SFT2D2: variants seen among roughly 807,000 people sequenced by gnomAD.
SFT2D2 encodes the protein vesicle transport protein SFT2B.
SFT2D2 carries 21 observed loss-of-function variants against 27.4 expected under a neutral mutation model. The ratio of observed to expected loss-of-function variants is 0.77; its 90% CI spans 0.54 to 1.10. SFT2D2 has a LOEUF of 1.10. Ranked by LOEUF, SFT2D2 falls within the 50% of genes least tolerant of loss-of-function variation. The pLI, the probability that SFT2D2 is intolerant of heterozygous loss-of-function variation, is 0.00. For synonymous variants in SFT2D2, 72 were observed against 71.7 expected, an observed-to-expected ratio of 1.00 and a Z score of -0.02; for missense variants, 187 against 194.2, an observed-to-expected ratio of 0.96 and a Z score of 0.22.
Position 168,226,428 on chromosome 1 carries a change from G to A in SFT2D2, c.63+286G>A, listed in dbSNP as rs146043162. Among the ~76,000 whole-genome samples the A allele has an allele frequency of 2.1e-3, 321 of 152,282 alleles. 1 individual carries two copies. The highest frequency in any genetic ancestry group is 3.1e-3 in the Admixed American group (47 of 15,308). ...CTGCGAGTGGGAGGGTGGGCGACTG[G>A]GCTGTCGGCCCCGGCCCCACCGGCC... On this transcript the variant is annotated intron_variant, in intron 1 of 7. Transcript: ENST00000271375.
chr1:168,232,001 A>C, intron 3 of SFT2D2, 82 bp downstream of exon 3: 1 of 1,090,800 alleles, frequency 9.2e-7, no homozygotes, highest in African/African-American at 1.5e-5. Flanking sequence ...GAGGTGAAAG[A>C]GGAGGCTCCA....
Position 168,231,534 on chromosome 1 carries a change from A to T in SFT2D2, c.84A>T (p.Leu28Phe). 1 of 1,613,792 alleles carries T rather than the reference A, an allele frequency of 6.2e-7. No individual in the cohort carries two copies. The highest frequency in any genetic ancestry group is 1.1e-5 in the South Asian group (1 of 91,054). The change falls in exon 2 of 8, where the codon TTA (leucine) becomes TTT (phenylalanine). Residue 28 changes from leucine to phenylalanine, a missense_variant. Physicochemically the swap from Leu to Phe is conservative, Grantham distance 22. Transcript: ENST00000271375. ...GLSEVVEASS[L>F]SWSTRIKGFI... Reference sequence around the variant, plus strand: ...TTTAGGTTGTTGAGGCATCTTCATTAAGCTGGAGTACCAGGATAAAAGGCT... The same window carrying T: ...TTTAGGTTGTTGAGGCATCTTCATTTAGCTGGAGTACCAGGATAAAAGGCT...
intron 1 of SFT2D2, among the ~76,000 whole-genome samples, chr1:168,227,350 C>T (rs1700472928): frequency 6.6e-6 from 1 of 152,318 alleles, no homozygotes; most frequent in Non-Finnish European, 1.5e-5. Context: ...AGTGTTTCTT[C>T]TGGTTTCTCA....
intron 2 of SFT2D2, 90 bp from the exon 3 acceptor site, chr1:168,231,744 A>G (rs1647319324): frequency 1.4e-6 from 2 of 1,474,850 alleles, no homozygotes; most frequent in Admixed American, 1.7e-5. Flanking sequence ...GGGGAGGGAA[A>G]CGGACTCCTC....
In SFT2D2 at chr1:168,246,525, C is replaced by G; in HGVS notation, c.*3985C>G. ...TGTTATGGAGCTCAGTTTTGAGGCA[C>G]CTGGACTTACTCTCAGCTTTAGAAA... On this transcript the variant is annotated 3_prime_UTR_variant, in exon 8 of 8. Coordinates refer to ENST00000271375, the MANE Select transcript of SFT2D2 (RefSeq NM_199344.3). 6.7e-7 allele frequency: 1 copy of G among 1,493,114 alleles called. No individual in the cohort carries two copies. Among genetic ancestry groups the G allele is most frequent in the African/African-American group, 1.4e-5 (1 of 72,458 alleles). 92.5% of individuals were successfully genotyped at this position (1,493,114 alleles called of 1,614,324 possible). A position where few individuals can be genotyped will look rare whatever the true frequency, so the allele number is the denominator to read the frequency against.
chr1:168,228,768 T>G (rs1473878805), intron 1 of SFT2D2, among the ~76,000 whole-genome samples: 1 of 152,190 alleles, frequency 6.6e-6, no homozygotes, highest in Non-Finnish European at 1.5e-5. Flanking sequence ...AAAGGGACCT[T>G]TGTGAATAAC....
At chr1:168,231,052 G>A (rs1321575646) in intron 1 of SFT2D2, among the ~76,000 whole-genome samples, 1 of 152,192 alleles carries the variant, frequency 6.6e-6, no homozygotes, top group Non-Finnish European at 1.5e-5. Flanking sequence ...GATGACCAGT[G>A]GAGCAGCTGC....
intron 3 of SFT2D2, among the ~76,000 whole-genome samples, chr1:168,234,248 G>C: frequency 6.6e-6 from 1 of 152,158 alleles, no homozygotes; most frequent in South Asian, 2.1e-4. Context: ...ACAAAAATTA[G>C]CTGGGTGTGG....
chr1:168,238,008 T>A (rs1647549640), intron 6 of SFT2D2, among the ~76,000 whole-genome samples: 1 of 152,184 alleles, frequency 6.6e-6, no homozygotes, highest in Non-Finnish European at 1.5e-5. Flanking sequence ...AGGTTCAGCA[T>A]TCATATGGGT....
chr1:168,249,156 T>C lies in SFT2D2; in HGVS notation c.*6616T>C, dbSNP rs758946485. The C allele has an allele frequency of 6.6e-6, 1 of 152,224 alleles. No homozygotes were observed. Among genetic ancestry groups the C allele is most frequent in the Non-Finnish European group, 1.5e-5 (1 of 68,052 alleles). The allele number at this position is 152,224 out of a possible 1,614,324, so 9.4% of individuals were successfully genotyped here. ...TGTTTGCTCTTGCTTCTCTAGGTCTTTTAATTGTGATGTTAGGGTGTTGAT... is the reference window on the plus strand; with the variant it reads ...TGTTTGCTCTTGCTTCTCTAGGTCTCTTAATTGTGATGTTAGGGTGTTGAT... On this transcript the variant is annotated 3_prime_UTR_variant, in exon 8 of 8. Coordinates refer to ENST00000271375, the MANE Select transcript of SFT2D2 (RefSeq NM_199344.3).
Position 168,226,033 on chromosome 1 carries a change from C to G in SFT2D2, c.-47C>G, listed in dbSNP as rs1418221583. On this transcript the variant is annotated 5_prime_UTR_variant, in exon 1 of 8. Coordinates refer to ENST00000271375, the MANE Select transcript of SFT2D2 (RefSeq NM_199344.3). ...GGAAGAGCCGTCAACTTAGCGAGCG[C>G]AACAGGCTGCCGCTGAGGAGCTGGA... 1 of 1,474,472 alleles carries G rather than the reference C, an allele frequency of 6.8e-7. No homozygotes were observed. The highest frequency in any genetic ancestry group is 9.0e-7 in the Non-Finnish European group (1 of 1,106,160). 91.3% of individuals were successfully genotyped at this position (1,474,472 alleles called of 1,614,324 possible).
chr1:168,248,371 C>T lies in SFT2D2; in HGVS notation c.*5831C>T, dbSNP rs1647873036. 6.6e-6 allele frequency: 1 copy of T among 152,208 alleles called. No homozygotes were observed. Among genetic ancestry groups the T allele is most frequent in the African/African-American group, 2.4e-5 (1 of 41,428 alleles). 9.4% of individuals were successfully genotyped at this position (152,208 alleles called of 1,614,324 possible). The stretch of plus-strand genomic sequence containing the variant: ...TATTTCTTTCTCTTGCCTGATTGCC[C>T]TGGCCAGAACTTCCAGTACTATGTT... On this transcript the variant is annotated 3_prime_UTR_variant, in exon 8 of 8. Transcript: ENST00000271375.
rs755437083 is a variant in SFT2D2, at chr1:168,251,092, T to G, written c.*8552T>G. The G allele has an allele frequency of 1.3e-5, 2 of 152,162 alleles. No homozygotes were observed. Among genetic ancestry groups the G allele is most frequent in the Non-Finnish European group, 2.9e-5 (2 of 68,114 alleles). The allele number at this position is 152,162 out of a possible 1,614,324, so 9.4% of individuals were successfully genotyped here. On this transcript the variant is annotated 3_prime_UTR_variant, in exon 8 of 8. Transcript: ENST00000271375. ...GCTGAGGTGGGTGGATCGCTTGAGGTCAGGAGTTCAAGACCAGCCTGGCCA... is the reference window on the plus strand; with the variant it reads ...GCTGAGGTGGGTGGATCGCTTGAGGGCAGGAGTTCAAGACCAGCCTGGCCA...
At chr1:168,240,827 G>A (rs796770353) in intron 7 of SFT2D2, among the ~76,000 whole-genome samples, 4 of 152,010 alleles carry the variant, frequency 2.6e-5, no homozygotes, top group African/African-American at 7.3e-5. Flanking sequence ...CAGTAGAATC[G>A]CTTGAACCTG....
chr1:168,236,479 T>G, intron 4 of SFT2D2, 110 bp from the exon 5 acceptor site: 4 of 1,067,458 alleles, frequency 3.7e-6, no homozygotes, highest in Non-Finnish European at 4.1e-6. Flanking sequence ...TTAACTGCTT[T>G]GAGATGAAGG....
rs750646121 is a variant in SFT2D2 at position 168,236,152 on chromosome 1, C to T, written c.319-437C>T. Among the ~76,000 whole-genome samples the T allele has an allele frequency of 3.3e-5, 5 of 152,192 alleles. No homozygotes were observed. In the South Asian group the frequency reaches 1.0e-3, roughly 32 times the overall value. ...TAGGGAAAGTGTTAGGTGATAGGTA[C>T]ACAAGTAACTGGCATGCTGACTGTG... On this transcript the variant is annotated intron_variant, in intron 4 of 7. Transcript: ENST00000271375.
At position 168,251,654 on chromosome 1, in the gene SFT2D2, A is replaced by G. The variant is rs1450439740; in HGVS notation, c.*9114A>G. On this transcript the variant is annotated 3_prime_UTR_variant, in exon 8 of 8. Transcript: ENST00000271375. ...TATAAATTTTTAAGAATCAGTGTTT[A>G]AAGGTACGTGAAACCATTTGCTAGA... The G allele has an allele frequency of 6.6e-6, 1 of 152,132 alleles. No individual in the cohort carries two copies. The highest frequency in any genetic ancestry group is 1.5e-5 in the Non-Finnish European group (1 of 68,016). 9.4% of individuals were successfully genotyped at this position (152,132 alleles called of 1,614,324 possible). A position where few individuals can be genotyped will look rare whatever the true frequency, so the allele number is the denominator to read the frequency against.
In SFT2D2 at chr1:168,243,511, A is replaced by T. The variant is rs1647709660; in HGVS notation, c.*971A>T. 1 of 152,364 alleles carries T rather than the reference A, an allele frequency of 6.6e-6. No homozygotes were observed. The highest frequency in any genetic ancestry group is 1.9e-4 in the East Asian group (1 of 5,182). The allele number at this position is 152,364 out of a possible 1,614,324, so 9.4% of individuals were successfully genotyped here. A position where few individuals can be genotyped will look rare whatever the true frequency, so the allele number is the denominator to read the frequency against. On this transcript the variant is annotated 3_prime_UTR_variant, in exon 8 of 8. Coordinates refer to ENST00000271375, the MANE Select transcript of SFT2D2 (RefSeq NM_199344.3). ...GGCACGCCTGCCCAGTGACCTTTAA[A>T]TAGTCCCAGTGTTTGCACTTAGCCT... is the stretch of plus-strand genomic sequence containing the variant.
intron 4 of SFT2D2, 34 bp from the exon 5 acceptor site, chr1:168,236,555 T>C (rs776010985): frequency 1.4e-5 from 23 of 1,598,196 alleles, no homozygotes; most frequent in Middle Eastern, 2.2e-4. Context: ...TGCCATGTTA[T>C]TGTCATTAAT....
Sources: gnomAD v4.1 joint callset for allele counts (sites outside exome capture counted in the v4.1 genomes callset) on GRCh38, gnomAD v4.1.1 for gene constraint, MANE v1.5 for transcripts, NCBI Gene and HGNC (gene_info 2026-07-23, HGNC 2026-07-21) for gene names.